AKR1C8: variants seen among roughly 807,000 people sequenced by gnomAD.
AKR1C8 encodes aldo-keto reductase family 1 member C8.
At chr10:5,161,094 T>C in the AKR1C8 span, among the ~76,000 whole-genome samples, 4 of 152,258 alleles carry the variant, frequency 2.6e-5, no homozygotes, top group East Asian at 7.8e-4. Flanking sequence ...TGTGTTTGCA[T>C]GCATGTGTGG....
chr10:5,178,477 C>G, the AKR1C8 span, among the ~76,000 whole-genome samples: 1 of 152,116 alleles, frequency 6.6e-6, no homozygotes, highest in Non-Finnish European at 1.5e-5. Flanking sequence ...GTGGAGAGTT[C>G]TGTAGATGTC....
At chr10:5,184,040 G>A in the AKR1C8 span, among the ~76,000 whole-genome samples, 147 of 152,266 alleles carry the variant, frequency 9.7e-4, 1 homozygote, top group African/African-American at 3.3e-3. Context: ...CATGTGGACC[G>A]TGAGATGAGC....
the AKR1C8 span, among the ~76,000 whole-genome samples, chr10:5,182,452 AC>A: frequency 6.6e-6 from 1 of 152,054 alleles, no homozygotes. Context: ...AGGCTCAAGA[AC>A]CCTATATTCT....
chr10:5,158,999 C>T, the AKR1C8 span, among the ~76,000 whole-genome samples: 1 of 152,084 alleles, frequency 6.6e-6, no homozygotes, highest in Non-Finnish European at 1.5e-5. Flanking sequence ...ACCAAGATTC[C>T]TTAGAGGAAG....
chr10:5,174,281 TAAA>T, the AKR1C8 span, among the ~76,000 whole-genome samples: 28 of 145,722 alleles, frequency 1.9e-4, no homozygotes, highest in South Asian at 4.5e-3. Flanking sequence ...GTGATGTCTA[TAAA>T]AAAAAAAACT....
the AKR1C8 span, among the ~76,000 whole-genome samples, chr10:5,137,746 A>C: frequency 6.6e-6 from 1 of 152,170 alleles, no homozygotes; most frequent in African/African-American, 2.4e-5. Flanking sequence ...TGAGAAATAA[A>C]GAGAGACAGT....
the AKR1C8 span, chr10:5,132,679 C>A: frequency 1.3e-6 from 2 of 1,592,226 alleles, no homozygotes; most frequent in African/African-American, 2.7e-5. Context: ...CCAACCTGCT[C>A]CTCATTATTG....
the AKR1C8 span, chr10:5,132,697 G>A: frequency 7.6e-6 from 12 of 1,586,902 alleles, no homozygotes; most frequent in Admixed American, 1.7e-5. Flanking sequence ...TTGTATAAAT[G>A]AGCAGAATCA....
chr10:5,146,914 C>T, the AKR1C8 span, among the ~76,000 whole-genome samples: 1 of 152,126 alleles, frequency 6.6e-6, no homozygotes, highest in African/African-American at 2.4e-5. Flanking sequence ...TGTACTGGTT[C>T]TAGGTGTGTA....
chr10:5,141,678 T>C, the AKR1C8 span, among the ~76,000 whole-genome samples: 1 of 152,188 alleles, frequency 6.6e-6, no homozygotes, highest in Admixed American at 6.5e-5. Flanking sequence ...GAACTCTTTA[T>C]TAACCAGGTG....
the AKR1C8 span, chr10:5,123,577 G>A: frequency 1.0e-5 from 8 of 790,650 alleles, no homozygotes; most frequent in African/African-American, 1.4e-4. Flanking sequence ...AGCATCACCT[G>A]GGATCTCGTC....
the AKR1C8 span, among the ~76,000 whole-genome samples, chr10:5,120,267 A>T: frequency 6.6e-6 from 1 of 152,180 alleles, no homozygotes. Flanking sequence ...CTGTCGATAA[A>T]TATGTGGGTA....
chr10:5,117,919 T>C, the AKR1C8 span, among the ~76,000 whole-genome samples: 1 of 152,262 alleles, frequency 6.6e-6, no homozygotes, highest in South Asian at 2.1e-4. Flanking sequence ...AGGCCTCACC[T>C]CCTACATCGA....
chr10:5,168,810 A>G, the AKR1C8 span, among the ~76,000 whole-genome samples: 1 of 152,158 alleles, frequency 6.6e-6, no homozygotes, highest in South Asian at 2.1e-4. Context: ...CCCTAACTAG[A>G]GTTCTAGTGA....
At chr10:5,125,809 G>A in the AKR1C8 span, among the ~76,000 whole-genome samples, 1 of 152,186 alleles carries the variant, frequency 6.6e-6, no homozygotes, top group Non-Finnish European at 1.5e-5. Context: ...TGGGAGACAT[G>A]AAGACAGGTC....
chr10:5,147,720 C>T, the AKR1C8 span, among the ~76,000 whole-genome samples: 18 of 152,180 alleles, frequency 1.2e-4, no homozygotes, highest in African/African-American at 4.3e-4. Flanking sequence ...GTCTCCATGG[C>T]TTTGCTGGGC....
chr10:5,162,048 A>T, the AKR1C8 span: 3 of 473,450 alleles, frequency 6.3e-6, no homozygotes, highest in South Asian at 4.7e-5. Context: ...TCATGGTCAG[A>T]CATTGAGATA....
chr10:5,178,080 A>T, the AKR1C8 span, among the ~76,000 whole-genome samples: 1 of 151,926 alleles, frequency 6.6e-6, no homozygotes, highest in Non-Finnish European at 1.5e-5. Flanking sequence ...TTAGGGTGTC[A>T]ATTTTAGATC....
the AKR1C8 span, among the ~76,000 whole-genome samples, chr10:5,174,008 A>G: frequency 6.6e-6 from 1 of 151,908 alleles, no homozygotes; most frequent in Non-Finnish European, 1.5e-5. Context: ...TACACAACAA[A>G]TTCCATTTTG....
Sources: allele counts gnomAD v4.1 joint callset (sites outside exome capture counted in the v4.1 genomes callset), GRCh38; gene constraint gnomAD v4.1.1; transcripts MANE v1.5; gene names NCBI Gene and HGNC (gene_info 2026-07-23, HGNC 2026-07-21).